The following SSBP3 variants were observed in gnomAD, a reference collection of about 807,000 sequenced individuals.
SSBP3 encodes single stranded DNA binding protein 3, also known as single-stranded DNA-binding protein 3.
Under a neutral mutation model 69.6 loss-of-function variants are expected in SSBP3, and 5 were observed. That is an observed-to-expected ratio of 0.07 (90% CI 0.04 to 0.15). The LOEUF (loss-of-function observed/expected upper bound fraction) is 0.15. SSBP3 is among the 10% of genes least tolerant of loss of function. The pLI, the probability that SSBP3 is intolerant of heterozygous loss-of-function variation, is 1.00. For synonymous variants in SSBP3, 196 were observed against 193.4 expected (o/e 1.01, Z -0.11); for missense variants, 312 against 534.0 (o/e 0.58, Z 4.10).
chr1:54,228,655 G>A (rs1343518469), intron 15 of SSBP3, 93 bp downstream of exon 15: 2 of 1,497,676 alleles, frequency 1.3e-6, no homozygotes, highest in East Asian at 2.5e-5. Context: ...AGGCCGGCCA[G>A]GGCTCTGTAC....
intron 4 of SSBP3, among the ~76,000 whole-genome samples, chr1:54,312,271 A>C (rs1646016858): frequency 1.3e-5 from 2 of 151,242 alleles, no homozygotes; most frequent in Admixed American, 1.3e-4. Flanking sequence ...CCTAGGTGAC[A>C]GGGTGAGATA....
chr1:54,301,560 C>T (rs1281567682), intron 4 of SSBP3, among the ~76,000 whole-genome samples: 1 of 152,226 alleles, frequency 6.6e-6, no homozygotes, highest in African/African-American at 2.4e-5. Context: ...CACAACTCTC[C>T]CTCCCACGCG....
chr1:54,256,678 AT>A (rs1455516302), intron 7 of SSBP3, among the ~76,000 whole-genome samples: 1 of 152,080 alleles, frequency 6.6e-6, no homozygotes, highest in African/African-American at 2.4e-5. Context: ...CCTACGGGCC[AT>A]TTCCCCCCCT....
At chr1:54,231,032 G>A (rs986890694) in intron 14 of SSBP3, among the ~76,000 whole-genome samples, 2 of 152,186 alleles carry the variant, frequency 1.3e-5, no homozygotes, top group Non-Finnish European at 2.9e-5. Flanking sequence ...CAGATACCTA[G>A]GAGGAGAACT....
At chr1:54,264,807 G>T (rs2100785205) in intron 5 of SSBP3, among the ~76,000 whole-genome samples, 1 of 152,278 alleles carries the variant, frequency 6.6e-6, no homozygotes, top group Non-Finnish European at 1.5e-5. Context: ...TGAGGTTTTA[G>T]GTTGTTAAGA....
intron 4 of SSBP3, among the ~76,000 whole-genome samples, chr1:54,345,735 C>G (rs962266018): frequency 6.6e-6 from 1 of 152,120 alleles, no homozygotes; most frequent in African/African-American, 2.4e-5. Flanking sequence ...TGTACTGAGG[C>G]TGGGCGCGGT....
intron 4 of SSBP3, among the ~76,000 whole-genome samples, chr1:54,317,925 C>T (rs1646143589): frequency 1.3e-5 from 2 of 152,190 alleles, no homozygotes; most frequent in Admixed American, 1.3e-4. Context: ...GCCACCACGC[C>T]TGGCTAATTT....
At chr1:54,269,011 G>A (rs1050666419) in intron 5 of SSBP3, among the ~76,000 whole-genome samples, 1 of 152,160 alleles carries the variant, frequency 6.6e-6, no homozygotes, top group Non-Finnish European at 1.5e-5. Flanking sequence ...CAGGAGTCAA[G>A]TACTTAGTTC....
intron 4 of SSBP3, among the ~76,000 whole-genome samples, chr1:54,288,227 T>C (rs892162134): frequency 6.6e-6 from 1 of 152,176 alleles, no homozygotes; most frequent in Admixed American, 6.5e-5. Flanking sequence ...AGTCCTGCAC[T>C]GAGGGTCCCA....
chr1:54,386,487 G>A (rs1360450044), intron 4 of SSBP3, among the ~76,000 whole-genome samples: 1 of 152,052 alleles, frequency 6.6e-6, no homozygotes, highest in Non-Finnish European at 1.5e-5. Context: ...TTGGCTGGAA[G>A]CAGCTCAGGT....
At chr1:54,261,336 A>G (rs1203508671) in intron 5 of SSBP3, among the ~76,000 whole-genome samples, 1 of 152,208 alleles carries the variant, frequency 6.6e-6, no homozygotes, top group Non-Finnish European at 1.5e-5. Context: ...TGCATTCTCA[A>G]CAAGAGATCC....
intron 4 of SSBP3, among the ~76,000 whole-genome samples, chr1:54,401,116 C>A (rs1649258493): frequency 6.6e-6 from 1 of 152,178 alleles, no homozygotes; most frequent in South Asian, 2.1e-4. Flanking sequence ...AGTGTGACTG[C>A]AACCCAGGTT....
chr1:54,384,635 G>A (rs1187777300), intron 4 of SSBP3, among the ~76,000 whole-genome samples: 1 of 152,240 alleles, frequency 6.6e-6, no homozygotes, highest in East Asian at 1.9e-4. Flanking sequence ...TCCAAGCTGG[G>A]AGAACAGCCT....
chr1:54,248,186 G>A (rs767547706), intron 9 of SSBP3, among the ~76,000 whole-genome samples: 41 of 152,220 alleles, frequency 2.7e-4, no homozygotes, highest in African/African-American at 8.9e-4. Context: ...ATCACATGCC[G>A]ATGGTCTCCC....
chr1:54,234,692 C>T (rs539790241), intron 14 of SSBP3, among the ~76,000 whole-genome samples: 1 of 152,080 alleles, frequency 6.6e-6, no homozygotes, highest in African/African-American at 2.4e-5. Context: ...TTAGAACATT[C>T]TGCTCTGCTT....
chr1:54,383,365 G>A lies in SSBP3; in HGVS notation c.276+18496C>T, dbSNP rs527403278. On this transcript the variant is annotated intron_variant, in intron 4 of 17. Transcript: ENST00000610401. ...TGCACTCCAGCCTGGGTGACAGAGC[G>A]AGACTCCGTCTCTAAAAGGAAAAAA... Among the ~76,000 whole-genome samples, 5 of 150,442 alleles carry A rather than the reference G, an allele frequency of 3.3e-5. No homozygotes were observed. In the East Asian group the frequency reaches 7.8e-4, roughly 24 times the overall value.
At chr1:54,404,816 G>C (rs1421546542) in intron 2 of SSBP3, 42 bp downstream of exon 2, 1 of 1,065,852 alleles carries the variant, frequency 9.4e-7, no homozygotes, top group Admixed American at 2.0e-5. Context: ...AGTGGGGGGG[G>C]GGGGTGTCAA....
intron 6 of SSBP3, 94 bp downstream of exon 6, chr1:54,257,975 A>G: frequency 8.2e-7 from 1 of 1,224,440 alleles, no homozygotes. Flanking sequence ...GGCAGTGGCT[A>G]GAGCACATTT....
chr1:54,401,056 C>T (rs1283761750), intron 4 of SSBP3, among the ~76,000 whole-genome samples: 3 of 152,216 alleles, frequency 2.0e-5, no homozygotes, highest in African/African-American at 7.2e-5. Context: ...TCAGACACGT[C>T]CTCTTCCATC....
Sources: gnomAD v4.1 joint callset for allele counts (sites outside exome capture counted in the v4.1 genomes callset) on GRCh38, gnomAD v4.1.1 for gene constraint, MANE v1.5 for transcripts, NCBI Gene and HGNC (gene_info 2026-07-23, HGNC 2026-07-21) for gene names.